Variants in CEP85 observed in about 807,000 individuals in gnomAD.
The protein encoded by CEP85 is centrosomal protein 85.
CEP85 carries 58 observed loss-of-function variants against 93.7 expected under a neutral mutation model. The observed-to-expected ratio is 0.62, with a 90% confidence interval of 0.50 to 0.77. The LOEUF is 0.77. CEP85 is among the 30% of genes least tolerant of loss of function. The pLI, the probability that CEP85 is intolerant of heterozygous loss-of-function variation, is 0.00. For synonymous variants in CEP85, 314 were observed against 338.6 expected (o/e 0.93, Z 0.80); for missense variants, 868 against 922.0 (o/e 0.94, Z 0.76).
At chr1:26,250,828 G>A (rs2089595247) in intron 3 of CEP85, among the ~76,000 whole-genome samples, 1 of 151,680 alleles carries the variant, frequency 6.6e-6, no homozygotes, top group African/African-American at 2.4e-5. Context: ...AAGTCCAAAG[G>A]CATAGTGGCA....
chr1:26,245,832 TG>T lies in CEP85; in HGVS notation c.208+1515del, dbSNP rs548887972. 1.6e-4 allele frequency among the ~76,000 whole-genome samples: 24 copies of T among 152,318 alleles called. No homozygotes were observed. In the East Asian group the frequency reaches 4.2e-3, roughly 27 times the overall value. On this transcript the variant is annotated intron_variant, in intron 3 of 13. Transcript: ENST00000451429. The stretch of plus-strand genomic sequence containing the variant: ...ACTTGTCACTTTGATAATCATATGT[TG>T]TAATTTTAAAACATCTACTCCACAG...
In CEP85 at chr1:26,266,621, G is replaced by A. The variant is rs1010228628; in HGVS notation, c.1342-1862G>A. ...AGATTGGACCTAGGATAAGCTTTTGGCTGATTTTCAGGGATCTTTCTTTGT... is the reference window on the plus strand; with the variant it reads ...AGATTGGACCTAGGATAAGCTTTTGACTGATTTTCAGGGATCTTTCTTTGT... On this transcript the variant is annotated intron_variant, in intron 7 of 13. Transcript: ENST00000451429. 4.6e-5 allele frequency among the ~76,000 whole-genome samples: 7 copies of A among 152,284 alleles called. No homozygotes were observed. In the South Asian group the frequency reaches 6.2e-4, roughly 14 times the overall value.
rs199770776 is a variant in CEP85, at chr1:26,258,240, G to A, written c.1135G>A (p.Val379Ile). The change falls in exon 6 of 14, where the codon GTC (valine) becomes ATC (isoleucine). Residue 379 changes from valine to isoleucine, a missense_variant. Coordinates refer to ENST00000451429, the MANE Select transcript of CEP85 (RefSeq NM_001319944.2). ...GGGCCGCCCTGCCCCCTTTGGTGAT[G>A]TCTGCTTGCTGAGGCTACAGGTAAG... Reference protein sequence around the residue: ...LLGRPAPFGDVCLLRLQELQR... With the variant: ...LLGRPAPFGDICLLRLQELQR... 1.7e-4 allele frequency: 275 copies of A among 1,613,274 alleles called. No individual in the cohort carries two copies. Among genetic ancestry groups the A allele is most frequent in the Non-Finnish European group, 2.1e-4 (252 of 1,179,344 alleles).
rs748269584 is a variant in CEP85 at position 26,272,047 on chromosome 1, G to A, written c.1770G>A (p.Met590Ile). The A allele has an allele frequency of 9.3e-6, 15 of 1,613,990 alleles. No homozygotes were observed. The highest frequency in any genetic ancestry group is 1.2e-5 in the Non-Finnish European group (14 of 1,180,014). ...QKIVEKQQQK[M>I]DQLRSQVQSL... ...TTGTGGAGAAGCAGCAGCAGAAGATGGATCAGTTGCGCTCACAAGTACAGG... is the reference window on the plus strand; with the variant it reads ...TTGTGGAGAAGCAGCAGCAGAAGATAGATCAGTTGCGCTCACAAGTACAGG... The change falls in exon 11 of 14, where the codon ATG becomes ATA. Residue 590 changes from methionine to isoleucine, a missense_variant. Physicochemically the swap from Met to Ile is conservative, Grantham distance 10. Coordinates refer to ENST00000451429, the MANE Select transcript of CEP85 (RefSeq NM_001319944.2).
chr1:26,242,763 T>G (rs1470384134), intron 2 of CEP85, among the ~76,000 whole-genome samples: 1 of 149,904 alleles, frequency 6.7e-6, no homozygotes, highest in African/African-American at 2.5e-5. Context: ...CACTTTAAGT[T>G]AAATGGAGGA....
chr1:26,253,900 G>A (rs947994542), intron 3 of CEP85, among the ~76,000 whole-genome samples: 9 of 151,886 alleles, frequency 5.9e-5, no homozygotes, highest in African/African-American at 2.2e-4. Context: ...AAACTGAGGT[G>A]GGAAGATCAC....
rs1197304671 is a variant in CEP85 at position 26,269,463 on chromosome 1, A to C, written c.1498A>C (p.Lys500Gln). ...EDHQKQSQQL[K>Q]DSELKSTELQ... is the part of the protein sequence containing the mutation. ...AACATGGGATCCTGTCTCTCAGCTT[A>C]AGGATTCTGAGTTGAAGAGCACAGA... is the stretch of plus-strand genomic sequence containing the variant. The change falls in exon 9 of 14, where the codon AAG (lysine) becomes CAG (glutamine). Residue 500 changes from lysine to glutamine, a missense_variant. Transcript: ENST00000451429. The C allele has an allele frequency of 6.2e-7, 1 of 1,613,966 alleles. No individual in the cohort carries two copies. Among genetic ancestry groups the C allele is most frequent in the Non-Finnish European group, 8.5e-7 (1 of 1,179,846 alleles).
At chr1:26,247,001 C>T (rs1040313327) in intron 3 of CEP85, among the ~76,000 whole-genome samples, 5 of 152,234 alleles carry the variant, frequency 3.3e-5, no homozygotes, top group Middle Eastern at 3.4e-3. Flanking sequence ...AGCAGCAGGT[C>T]GAGCGTTACC....
At chr1:26,268,189 G>A (rs1038866768) in intron 7 of CEP85, among the ~76,000 whole-genome samples, 2 of 152,218 alleles carry the variant, frequency 1.3e-5, no homozygotes, top group African/African-American at 4.8e-5. Flanking sequence ...TGGGTGTGGT[G>A]GCCCATGCCT....
At chr1:26,252,969 C>T (rs539354115) in intron 3 of CEP85, among the ~76,000 whole-genome samples, 2 of 152,170 alleles carry the variant, frequency 1.3e-5, no homozygotes, top group Non-Finnish European at 2.9e-5. Flanking sequence ...TTTTTTTTAG[C>T]TTCCACATAT....
chr1:26,238,222 A>G (rs1255714169), intron 1 of CEP85, among the ~76,000 whole-genome samples: 1 of 4,608 alleles, frequency 2.2e-4, no homozygotes, highest in Non-Finnish European at 1.9e-3. Context: ...TTTTTTTGAG[A>G]CGGAGTCTTG....
chr1:26,245,869 G>A (rs1249175978), intron 3 of CEP85, among the ~76,000 whole-genome samples: 1 of 152,074 alleles, frequency 6.6e-6, no homozygotes, highest in Non-Finnish European at 1.5e-5. Flanking sequence ...CCACTTGGAT[G>A]GCTATATTCC....
intron 4 of CEP85, among the ~76,000 whole-genome samples, chr1:26,256,790 G>A (rs554754805): frequency 8.7e-4 from 132 of 151,574 alleles, no homozygotes; most frequent in Middle Eastern, 3.4e-3. Context: ...GTAGAAACAG[G>A]GTTTCACCAT....
rs1044702118 is a variant in CEP85, at chr1:26,278,507, A to T, written c.*1214A>T. 5 of 152,642 alleles carry T rather than the reference A, an allele frequency of 3.3e-5. No individual in the cohort carries two copies. The highest frequency in any genetic ancestry group is 7.3e-5 in the Non-Finnish European group (5 of 68,040). The allele number at this position is 152,642 out of a possible 1,614,324, so 9.5% of individuals were successfully genotyped here. A position where few individuals can be genotyped will look rare whatever the true frequency, so the allele number is the denominator to read the frequency against. On this transcript the variant is annotated 3_prime_UTR_variant, in exon 14 of 14. Transcript: ENST00000451429. ...GGCTGTTGGCAGCATCTTGGACCTC[A>T]TGCCTGGGCCTGAATGAGGCTCTTT...
At chr1:26,243,489 A>G (rs1418511948) in intron 2 of CEP85, among the ~76,000 whole-genome samples, 2 of 152,208 alleles carry the variant, frequency 1.3e-5, no homozygotes, top group African/African-American at 4.8e-5. Context: ...AACTGGATTC[A>G]AATATCAGCC....
chr1:26,253,388 A>ATT, intron 3 of CEP85, among the ~76,000 whole-genome samples: 1 of 133,152 alleles, frequency 7.5e-6, no homozygotes, highest in South Asian at 2.3e-4. Flanking sequence ...GTTATCTTTC[A>ATT]TCTTTTTTTT....
intron 1 of CEP85, among the ~76,000 whole-genome samples, chr1:26,235,013 A>C (rs2089302815): frequency 6.6e-6 from 1 of 152,200 alleles, no homozygotes; most frequent in Non-Finnish European, 1.5e-5. Flanking sequence ...AATCCCCCAA[A>C]ATGTCAGTAG....
intron 7 of CEP85, among the ~76,000 whole-genome samples, chr1:26,268,182 G>A (rs755092114): frequency 1.3e-5 from 2 of 152,244 alleles, no homozygotes; most frequent in African/African-American, 2.4e-5. Context: ...ATGTGGCTGG[G>A]TGTGGTGGCC....
chr1:26,269,455 C>G lies in CEP85; in HGVS notation c.1495-5C>G. 4.3e-6 allele frequency: 7 copies of G among 1,613,248 alleles called. No individual in the cohort carries two copies. Among genetic ancestry groups the G allele is most frequent in the Non-Finnish European group, 5.9e-6 (7 of 1,179,378 alleles). On this transcript the variant is annotated splice_polypyrimidine_tract_variant and splice_region_variant and intron_variant, in intron 8 of 13. Coordinates refer to ENST00000451429, the MANE Select transcript of CEP85 (RefSeq NM_001319944.2). ...TTGACCTAAACATGGGATCCTGTCT[C>G]TCAGCTTAAGGATTCTGAGTTGAAG...
Sources: gnomAD v4.1 joint callset for allele counts (sites outside exome capture counted in the v4.1 genomes callset) on GRCh38, gnomAD v4.1.1 for gene constraint, MANE v1.5 for transcripts, NCBI Gene and HGNC (gene_info 2026-07-23, HGNC 2026-07-21) for gene names.